NEK1: variants seen among roughly 807,000 people sequenced by gnomAD.
NEK1 encodes the protein serine/threonine-protein kinase Nek1.
NEK1 carries 137 observed loss-of-function variants against 182.1 expected under a neutral mutation model. That is an observed-to-expected ratio of 0.75 (90% CI 0.65 to 0.87). The LOEUF is 0.87. Ranked by LOEUF, NEK1 falls within the 40% of genes least tolerant of loss-of-function variation. The pLI is 0.00. For missense variants in NEK1, 1,391 were observed against 1,494.4 expected (o/e 0.93, Z 1.14); for synonymous variants, 513 against 492.2 (o/e 1.04, Z -0.56).
intron 12 of NEK1, among the ~76,000 whole-genome samples, chr4:169,571,822 A>G (rs10019176): frequency 0.089 from 13,468 of 151,608 alleles, 784 homozygotes; most frequent in African/African-American, 0.16. Context: ...TCTGCCTCTC[A>G]GGTTCAAGCA....
At chr4:169,445,821 A>G (rs1333052216) in intron 27 of NEK1, among the ~76,000 whole-genome samples, 1 of 148,700 alleles carries the variant, frequency 6.7e-6, no homozygotes, top group Non-Finnish European at 1.5e-5. Context: ...ACATGCACCC[A>G]CTAAACTTAA....
At chr4:169,476,472 C>G (rs1042132015) in intron 26 of NEK1, among the ~76,000 whole-genome samples, 1 of 151,980 alleles carries the variant, frequency 6.6e-6, no homozygotes, top group Non-Finnish European at 1.5e-5. Flanking sequence ...CAATAAAGAA[C>G]TGTTGAATAA....
chr4:169,465,643 A>C (rs1744790253), intron 26 of NEK1, among the ~76,000 whole-genome samples: 1 of 152,198 alleles, frequency 6.6e-6, no homozygotes, highest in South Asian at 2.1e-4. Flanking sequence ...TGCCAGAAAG[A>C]GTTCCTATTC....
At chr4:169,560,495 A>G (rs1270029640) in intron 16 of NEK1, among the ~76,000 whole-genome samples, 8 of 152,160 alleles carry the variant, frequency 5.3e-5, no homozygotes, top group Non-Finnish European at 1.2e-4. Context: ...AGACCATCCC[A>G]TCACCACTTG....
chr4:169,525,707 T>C lies in NEK1; in HGVS notation c.1665+12102A>G, dbSNP rs541672058. ...ACACCATATGGTTTAAAGCTTAAAA[T>C]ATTTACTCTCTGGCCTTTTACAGGA... On this transcript the variant is annotated intron_variant, in intron 19 of 35. Coordinates refer to ENST00000507142, the MANE Select transcript of NEK1 (RefSeq NM_001199397.3). Among the ~76,000 whole-genome samples, 3 of 152,332 alleles carry C rather than the reference T, an allele frequency of 2.0e-5. No individual in the cohort carries two copies. In the East Asian group the frequency reaches 5.8e-4, roughly 29 times the overall value.
chr4:169,433,112 T>G (rs1340437153), intron 29 of NEK1, among the ~76,000 whole-genome samples: 1 of 152,104 alleles, frequency 6.6e-6, no homozygotes, highest in East Asian at 1.9e-4. Context: ...CAGGCTGGAG[T>G]GCAGTGGCAT....
intron 18 of NEK1, among the ~76,000 whole-genome samples, chr4:169,543,545 G>T (rs1759826573): frequency 6.6e-6 from 1 of 152,056 alleles, no homozygotes; most frequent in Non-Finnish European, 1.5e-5. Flanking sequence ...AGCTTGATGG[G>T]GATAGCATTG....
chr4:169,556,738 T>TAACA (rs1426465095), intron 16 of NEK1, among the ~76,000 whole-genome samples: 1 of 116,104 alleles, frequency 8.6e-6, no homozygotes, highest in Non-Finnish European at 1.9e-5. Context: ...CACAAAACAG[T>TAACA]AAAAAAAAAA....
At chr4:169,597,170 A>G (rs1031052203) in intron 5 of NEK1, among the ~76,000 whole-genome samples, 1 of 152,268 alleles carries the variant, frequency 6.6e-6, no homozygotes, top group Admixed American at 6.5e-5. Context: ...TAATAAAAAT[A>G]GCATTGTATA....
At chr4:169,488,298 G>C (rs755890815) in intron 23 of NEK1, among the ~76,000 whole-genome samples, 11 of 152,120 alleles carry the variant, frequency 7.2e-5, no homozygotes, top group Non-Finnish European at 1.3e-4. Context: ...GATTTCTATA[G>C]TTTTGGGTTT....
chr4:169,534,795 C>T (rs181335887), intron 19 of NEK1, among the ~76,000 whole-genome samples: 89 of 152,052 alleles, frequency 5.9e-4, no homozygotes, highest in East Asian at 2.7e-3. Context: ...TTATAAAATA[C>T]GCAACGCTTG....
At chr4:169,480,333 C>T (rs900296700) in intron 23 of NEK1, among the ~76,000 whole-genome samples, 9 of 151,962 alleles carry the variant, frequency 5.9e-5, no homozygotes, top group South Asian at 2.1e-4. Context: ...TGAGATATTA[C>T]GCACTTGGTT....
chr4:169,432,110 A>C (rs2149406154), intron 29 of NEK1, among the ~76,000 whole-genome samples: 2 of 152,276 alleles, frequency 1.3e-5, no homozygotes, highest in South Asian at 4.1e-4. Context: ...TTCACAGACA[A>C]GGAAGTTCAA....
intron 31 of NEK1, among the ~76,000 whole-genome samples, chr4:169,409,471 A>T (rs997766438): frequency 6.8e-5 from 10 of 148,148 alleles, no homozygotes; most frequent in Non-Finnish European, 1.3e-4. Context: ...CTTCTTAATT[A>T]TGGCCATTCT....
intron 31 of NEK1, among the ~76,000 whole-genome samples, chr4:169,419,121 C>T (rs542478670): frequency 6.5e-4 from 99 of 152,044 alleles, no homozygotes; most frequent in Non-Finnish European, 1.3e-3. Context: ...AAAACCCTTA[C>T]CAAAGCATTT....
At chr4:169,546,772 G>A (rs1760538521) in intron 18 of NEK1, among the ~76,000 whole-genome samples, 3 of 152,170 alleles carry the variant, frequency 2.0e-5, no homozygotes. Flanking sequence ...TTTAAAGTCT[G>A]TTTTATCAGA....
intron 16 of NEK1, among the ~76,000 whole-genome samples, chr4:169,557,069 G>A (rs1762269052): frequency 6.6e-6 from 1 of 152,092 alleles, no homozygotes; most frequent in East Asian, 1.9e-4. Context: ...TCTAGCAGCA[G>A]TAGTATATCA....
intron 27 of NEK1, among the ~76,000 whole-genome samples, chr4:169,449,997 G>A (rs1478782950): frequency 6.6e-6 from 1 of 152,198 alleles, no homozygotes; most frequent in Non-Finnish European, 1.5e-5. Flanking sequence ...ACCTGATGGA[G>A]CTGAAAACCA....
intron 27 of NEK1, among the ~76,000 whole-genome samples, chr4:169,445,847 TAC>T (rs1740413927): frequency 1.2e-5 from 1 of 85,550 alleles, no homozygotes; most frequent in East Asian, 4.9e-4. Flanking sequence ...AACAACTATA[TAC>T]ATATATATAT....
Sources: gnomAD v4.1 joint callset for allele counts (sites outside exome capture counted in the v4.1 genomes callset) on GRCh38, gnomAD v4.1.1 for gene constraint, MANE v1.5 for transcripts, NCBI Gene and HGNC (gene_info 2026-07-23, HGNC 2026-07-21) for gene names.